The following SMIM3 variants were observed in gnomAD, a reference collection of about 807,000 sequenced individuals.
SMIM3 encodes the protein small integral membrane protein 3.
Under a neutral mutation model 2.1 loss-of-function variants are expected in SMIM3, and 4 were observed. That is an observed-to-expected ratio of 1.89 (90% CI 0.93 to 4.31). SMIM3 has a LOEUF of 4.31. Among genes scored for constraint, SMIM3 ranks in the 30% most tolerant of loss-of-function variants. The probability of loss-of-function intolerance (pLI) is 0.01; values close to 1 mark genes in which losing one functional copy is unlikely to be tolerated. For synonymous variants in SMIM3, 29 were observed against 30.8 expected (o/e 0.94, Z 0.19); for missense variants, 79 against 77.7 (o/e 1.02, Z -0.06).
At chr5:150,782,847 T>C (rs1429666021) in intron 1 of SMIM3, among the ~76,000 whole-genome samples, 1 of 152,216 alleles carries the variant, frequency 6.6e-6, no homozygotes, top group Non-Finnish European at 1.5e-5. Flanking sequence ...TTGTTGGCAC[T>C]TGTGATATGC....
intron 1 of SMIM3, among the ~76,000 whole-genome samples, chr5:150,783,673 T>C (rs1406517845): frequency 6.6e-6 from 1 of 152,250 alleles, no homozygotes; most frequent in Non-Finnish European, 1.5e-5. Context: ...TTTTATTGCC[T>C]TCTTCCTCAG....
In SMIM3 at chr5:150,796,237, C is replaced by T. The variant is rs1753407710; in HGVS notation, c.*614C>T. The T allele has an allele frequency of 6.5e-6, 1 of 153,430 alleles. No homozygotes were observed. Among genetic ancestry groups the T allele is most frequent in the African/African-American group, 2.4e-5 (1 of 41,464 alleles). 9.5% of individuals were successfully genotyped at this position (153,430 alleles called of 1,614,324 possible). A position where few individuals can be genotyped will look rare whatever the true frequency, so the allele number is the denominator to read the frequency against. On this transcript the variant is annotated 3_prime_UTR_variant, in exon 2 of 2. Coordinates refer to ENST00000526627, the MANE Select transcript of SMIM3 (RefSeq NM_032947.5). ...AGGAAGGCTGTGCCATCTTTGGGCA[C>T]TGCCAAGGGAGTTGGGGTGATGGGC... is the stretch of plus-strand genomic sequence containing the variant.
chr5:150,784,093 A>G (rs889835040), intron 1 of SMIM3, among the ~76,000 whole-genome samples: 2 of 151,390 alleles, frequency 1.3e-5, no homozygotes, highest in African/African-American at 4.9e-5. Context: ...TAATTTTTGT[A>G]CTTTTAGTAG....
chr5:150,780,622 T>A (rs1753221778), intron 1 of SMIM3, among the ~76,000 whole-genome samples: 1 of 151,928 alleles, frequency 6.6e-6, no homozygotes, highest in Non-Finnish European at 1.5e-5. Flanking sequence ...GCAAAACAAA[T>A]GAGAGACTCT....
chr5:150,782,621 G>C (rs1317595970), intron 1 of SMIM3, among the ~76,000 whole-genome samples: 2 of 152,130 alleles, frequency 1.3e-5, no homozygotes, highest in African/African-American at 2.4e-5. Context: ...GGAAGAAAGA[G>C]CCCCCCATAA....
At position 150,795,680 on chromosome 5, in the gene SMIM3, T is replaced by C. The variant is rs1376800882; in HGVS notation, c.*57T>C. ...GGACAGGCATCCTATCCCCAGCCTCTTCCTGTCTTCAGAAAAGCAGCAGGA... is the reference window on the plus strand; with the variant it reads ...GGACAGGCATCCTATCCCCAGCCTCCTCCTGTCTTCAGAAAAGCAGCAGGA... On this transcript the variant is annotated 3_prime_UTR_variant, in exon 2 of 2. Coordinates refer to ENST00000526627, the MANE Select transcript of SMIM3 (RefSeq NM_032947.5). 2 of 1,510,974 alleles carry C rather than the reference T, an allele frequency of 1.3e-6. No individual in the cohort carries two copies. The highest frequency in any genetic ancestry group is 1.8e-6 in the Non-Finnish European group (2 of 1,127,658). 93.6% of individuals were successfully genotyped at this position (1,510,974 alleles called of 1,614,324 possible).
At chr5:150,789,901 C>A (rs1032958285) in intron 1 of SMIM3, among the ~76,000 whole-genome samples, 1 of 152,160 alleles carries the variant, frequency 6.6e-6, no homozygotes, top group African/African-American at 2.4e-5. Context: ...GCCAGGCCCC[C>A]ACTTTCCAGG....
chr5:150,788,621 G>A (rs1303619774), intron 1 of SMIM3, among the ~76,000 whole-genome samples: 3 of 137,222 alleles, frequency 2.2e-5, no homozygotes, highest in Non-Finnish European at 4.5e-5. Flanking sequence ...GCAACTGAGC[G>A]AGACTGTGTC....
At chr5:150,780,510 G>A (rs1393346659) in intron 1 of SMIM3, among the ~76,000 whole-genome samples, 1 of 152,186 alleles carries the variant, frequency 6.6e-6, no homozygotes, top group African/African-American at 2.4e-5. Flanking sequence ...TCCCACAAGT[G>A]ACCTCTCCGA....
chr5:150,781,589 A>G (rs1294330195), intron 1 of SMIM3, among the ~76,000 whole-genome samples: 2 of 152,184 alleles, frequency 1.3e-5, no homozygotes, highest in Non-Finnish European at 2.9e-5. Context: ...GACCCACTAT[A>G]TAGGATCATA....
chr5:150,787,402 T>C (rs1753304108), intron 1 of SMIM3, among the ~76,000 whole-genome samples: 1 of 152,232 alleles, frequency 6.6e-6, no homozygotes, highest in Non-Finnish European at 1.5e-5. Flanking sequence ...CTGATCTTTA[T>C]AGATTGCGTA....
intron 1 of SMIM3, among the ~76,000 whole-genome samples, chr5:150,789,424 A>G (rs2113204476): frequency 6.6e-6 from 1 of 152,310 alleles, no homozygotes; most frequent in Middle Eastern, 3.4e-3. Context: ...GGGGAAGAAC[A>G]GTGCAGCAAA....
intron 1 of SMIM3, among the ~76,000 whole-genome samples, chr5:150,791,232 T>A (rs1344646737): frequency 6.6e-6 from 1 of 152,218 alleles, no homozygotes; most frequent in Non-Finnish European, 1.5e-5. Context: ...GGAATCATCC[T>A]ATACACAAGT....
Sources: gnomAD v4.1 joint callset for allele counts (sites outside exome capture counted in the v4.1 genomes callset) on GRCh38, gnomAD v4.1.1 for gene constraint, MANE v1.5 for transcripts, NCBI Gene and HGNC (gene_info 2026-07-23, HGNC 2026-07-21) for gene names.